The following ESAM variants were observed in gnomAD, a reference collection of about 807,000 sequenced individuals.
The protein encoded by ESAM is endothelial cell adhesion molecule.
A neutral mutation model predicts 31.8 loss-of-function variants in ESAM; 23 were observed. The ratio of observed to expected loss-of-function variants is 0.72; its 90% CI spans 0.52 to 1.03. The LOEUF (loss-of-function observed/expected upper bound fraction) is 1.03. ESAM is among the 50% of genes least tolerant of loss of function. ESAM has a pLI of 0.00. For missense variants in ESAM, 478 were observed against 488.9 expected (o/e 0.98, Z 0.21); for synonymous variants, 216 against 207.2 (o/e 1.04, Z -0.37).
Position 124,759,554 on chromosome 11 carries a change from G to A in ESAM, c.71-1027C>T, listed in dbSNP as rs1944202218. ...GACGCCACCTCCGCGTGGCGAGCAGGCGGCCAACGCCGCGGGAAGAGGCCG... is the reference window on the plus strand; with the variant it reads ...GACGCCACCTCCGCGTGGCGAGCAGACGGCCAACGCCGCGGGAAGAGGCCG... On this transcript the variant is annotated intron_variant, in intron 1 of 6. Transcript: ENST00000278927. The surrounding 1 kb of genome is among the most constrained non-coding windows in gnomAD (Gnocchi z 6.8). The A allele has an allele frequency of 1.3e-5, 2 of 152,442 alleles. No individual in the cohort carries two copies. The highest frequency in any genetic ancestry group is 4.1e-4 in the South Asian group (2 of 4,842). 9.4% of individuals were successfully genotyped at this position (152,442 alleles called of 1,614,324 possible).
rs200474387 is a variant in ESAM at position 124,753,860 on chromosome 11, C to T, written c.959G>A (p.Arg320Gln). 8.7e-6 allele frequency: 14 copies of T among 1,613,674 alleles called. No individual in the cohort carries two copies. The highest frequency in any genetic ancestry group is 4.0e-5 in the African/African-American group (3 of 75,006). Residue 320 changes from arginine to glutamine, a missense_variant, in exon 7 of 7, where the codon CGG becomes CAG. By Grantham distance (43) the Arg-to-Gln change is conservative. Transcript: ENST00000278927. ...AGGCCTGGGAGGGCCATGGGGTGGC[C>T]GGAGGGCTCGTGCGGAGGTGACAGA... ...LSSVTSARALRPPHGPPRPGA... is the reference protein window; with the variant it reads ...LSSVTSARALQPPHGPPRPGA...
In ESAM at chr11:124,754,779, A is replaced by G; in HGVS notation, c.608-16T>C. 6.2e-7 allele frequency: 1 copy of G among 1,605,668 alleles called. No individual in the cohort carries two copies. Among genetic ancestry groups the G allele is most frequent in the Non-Finnish European group, 8.5e-7 (1 of 1,177,050 alleles). On this transcript the variant is annotated splice_polypyrimidine_tract_variant and intron_variant, in intron 4 of 6. Transcript: ENST00000278927. This position sits in a 1 kb window ranked among gnomAD's most constrained non-coding sequence, Gnocchi z 4.5. ...CGGATGACATCTGTGGACACAATTT[A>G]GCCATCAGTCCAGGGACCCTCTTTC...
At chr11:124,757,886 C>T (rs987328186) in intron 2 of ESAM, among the ~76,000 whole-genome samples, 3 of 151,726 alleles carry the variant, frequency 2.0e-5, no homozygotes, top group African/African-American at 4.8e-5. Context: ...TTAGCAGAGA[C>T]GGGGGTTTCA....
At chr11:124,756,394 C>A (rs1395876548) in intron 3 of ESAM, 32 bp from the exon 4 acceptor site, 3 of 1,576,886 alleles carry the variant, frequency 1.9e-6, no homozygotes, top group African/African-American at 1.4e-5. Context: ...AAAACCACAC[C>A]CAGGAGACCC....
rs143828847 is a variant in ESAM at position 124,754,258 on chromosome 11, G to A, written c.813C>T (p.Tyr271=). ...LGLLAGLVLL[Y]HRRGKALEEP... ...CCTCCAGGGCCTTGCCCCGGCGGTG[G>A]TACAAGAGGACCAGCCCAGCCAGCA... The change falls in exon 6 of 7, where the codon TAC becomes TAT. Residue 271 remains tyrosine, a synonymous_variant. Coordinates refer to ENST00000278927, the MANE Select transcript of ESAM (RefSeq NM_138961.3). The surrounding 1 kb of genome is among the most constrained non-coding windows in gnomAD (Gnocchi z 4.5). 2.0e-5 allele frequency: 32 copies of A among 1,613,980 alleles called. 1 individual carries two copies. In the South Asian group the frequency reaches 3.0e-4, roughly 15 times the overall value.
Position 124,759,434 on chromosome 11 carries a change from C to A in ESAM, c.71-907G>T, listed in dbSNP as rs1004322784. ...AACTGGTAAGCCCTTTGGGGAATAA[C>A]CTTGGGCTTGCACACGGCCAGGCCT... On this transcript the variant is annotated intron_variant, in intron 1 of 6. Coordinates refer to ENST00000278927, the MANE Select transcript of ESAM (RefSeq NM_138961.3). This position sits in a 1 kb window ranked among gnomAD's most constrained non-coding sequence, Gnocchi z 6.8. 6.6e-6 allele frequency: 1 copy of A among 152,362 alleles called. No homozygotes were observed. The highest frequency in any genetic ancestry group is 1.5e-5 in the Non-Finnish European group (1 of 68,140). The allele number at this position is 152,362 out of a possible 1,614,324, so 9.4% of individuals were successfully genotyped here.
intron 1 of ESAM, among the ~76,000 whole-genome samples, chr11:124,761,697 C>T (rs891790129): frequency 6.7e-6 from 1 of 148,478 alleles, no homozygotes; most frequent in East Asian, 2.0e-4. Context: ...TATGTGGGGT[C>T]GGGGATGAGA....
At chr11:124,761,874 C>A (rs1944234581) in intron 1 of ESAM, among the ~76,000 whole-genome samples, 1 of 152,108 alleles carries the variant, frequency 6.6e-6, no homozygotes, top group African/African-American at 2.4e-5. Flanking sequence ...TACCTCCCCC[C>A]GCCATCCGCC....
chr11:124,761,458 G>T (rs1283250126), intron 1 of ESAM, among the ~76,000 whole-genome samples: 1 of 152,152 alleles, frequency 6.6e-6, no homozygotes, highest in African/African-American at 2.4e-5. Context: ...TGGGCCTTGG[G>T]GGGGTGGGGT....
In ESAM at chr11:124,754,631, C is replaced by T. The variant is rs1376371117; in HGVS notation, c.730+10G>A. The T allele has an allele frequency of 1.2e-6, 2 of 1,608,778 alleles. No individual in the cohort carries two copies. The highest frequency in any genetic ancestry group is 1.7e-6 in the Non-Finnish European group (2 of 1,177,858). ...ACCACTCTTCTTAACCACACTTACC[C>T]CTCACTGACCTGTGCTCACTTCCAG... On this transcript the variant is annotated intron_variant, in intron 5 of 6. Transcript: ENST00000278927. The surrounding 1 kb of genome is among the most constrained non-coding windows in gnomAD (Gnocchi z 4.5).
chr11:124,757,524 A>G (rs1013444247), intron 2 of ESAM: 7 of 152,210 alleles, frequency 4.6e-5, no homozygotes, highest in African/African-American at 1.4e-4. Flanking sequence ...TTTGGATGTA[A>G]GCCCGGTGTC....
chr11:124,756,695 G>A lies in ESAM; in HGVS notation c.297C>T (p.Ser99=). 1 of 1,614,180 alleles carries A rather than the reference G, an allele frequency of 6.2e-7. No individual in the cohort carries two copies. The highest frequency in any genetic ancestry group is 8.5e-7 in the Non-Finnish European group (1 of 1,180,042). ...NGVTTSKPGV[S]LVYSMPSRNL... is the part of the protein sequence containing the mutation. ...TCCGGGAGGGCATGGAGTAGACCAA[G>A]GATACTCCAGGTTTGCTTGTTGTGA... Residue 99 remains serine (S), a synonymous_variant, in exon 3 of 7, where the codon TCC becomes TCT. Coordinates refer to ENST00000278927, the MANE Select transcript of ESAM (RefSeq NM_138961.3).
chr11:124,754,620 C>G lies in ESAM; in HGVS notation c.730+21G>C. The G allele has an allele frequency of 6.2e-7, 1 of 1,603,566 alleles. No homozygotes were observed. Among genetic ancestry groups the G allele is most frequent in the Non-Finnish European group, 8.5e-7 (1 of 1,174,930 alleles). Reference sequence around the variant, plus strand: ...CCCCACCATTGACCACTCTTCTTAACCACACTTACCCCTCACTGACCTGTG... The same window carrying G: ...CCCCACCATTGACCACTCTTCTTAAGCACACTTACCCCTCACTGACCTGTG... On this transcript the variant is annotated intron_variant, in intron 5 of 6. Coordinates refer to ENST00000278927, the MANE Select transcript of ESAM (RefSeq NM_138961.3). This position sits in a 1 kb window ranked among gnomAD's most constrained non-coding sequence, Gnocchi z 4.5.
In ESAM at chr11:124,756,326, A is replaced by G; in HGVS notation, c.488T>C (p.Val163Ala). ...PAPPSCRLQG[V>A]PHVGANVTLS... ...GGTCACGTTTGCCCCCACATGGGGC[A>G]CACCCTGGAGACGGCAGGATGGAGG... Residue 163 changes from valine (V) to alanine (A), a missense_variant, in exon 4 of 7, where the codon GTG (valine) becomes GCG (alanine). Physicochemically the swap from Val to Ala is moderately conservative, Grantham distance 64. Coordinates refer to ENST00000278927, the MANE Select transcript of ESAM (RefSeq NM_138961.3). 1 of 1,611,302 alleles carries G rather than the reference A, an allele frequency of 6.2e-7. No homozygotes were observed. Among genetic ancestry groups the G allele is most frequent in the South Asian group, 1.1e-5 (1 of 90,622 alleles).
Position 124,754,513 on chromosome 11 carries a change from A to C in ESAM, c.730+128T>G. The C allele has an allele frequency of 1.3e-6, 2 of 1,510,268 alleles. No homozygotes were observed. The highest frequency in any genetic ancestry group is 4.2e-5 in the Admixed American group (2 of 47,302). 93.6% of individuals were successfully genotyped at this position (1,510,268 alleles called of 1,614,324 possible). A position where few individuals can be genotyped will look rare whatever the true frequency, so the allele number is the denominator to read the frequency against. On this transcript the variant is annotated intron_variant, in intron 5 of 6. Transcript: ENST00000278927. The surrounding 1 kb of genome is among the most constrained non-coding windows in gnomAD (Gnocchi z 4.5). ...CAGTCACTGACCAACCATTTGTACAAACATTTGATCAGGGGAAGCTCCGTG... is the reference window on the plus strand; with the variant it reads ...CAGTCACTGACCAACCATTTGTACACACATTTGATCAGGGGAAGCTCCGTG...
At chr11:124,757,408 G>T (rs560369508) in intron 2 of ESAM, 1 of 152,632 alleles carries the variant, frequency 6.6e-6, no homozygotes, top group East Asian at 1.9e-4. Context: ...TCCAGCCTGG[G>T]CAACAAGAGT....
chr11:124,762,222 G>A lies in ESAM; in HGVS notation c.-68C>T, dbSNP rs925961093. 2.3e-6 allele frequency: 3 copies of A among 1,281,186 alleles called. No individual in the cohort carries two copies. The highest frequency in any genetic ancestry group is 1.6e-5 in the African/African-American group (1 of 63,806). 79.4% of individuals were successfully genotyped at this position (1,281,186 alleles called of 1,614,324 possible). ...GACGCACGGACCTGCAGGTGCCGAG[G>A]CTGCGCGACGGCCGGAGCGTGCGCG... On this transcript the variant is annotated 5_prime_UTR_variant, in exon 1 of 7. Coordinates refer to ENST00000278927, the MANE Select transcript of ESAM (RefSeq NM_138961.3). The surrounding 1 kb of genome is among the most constrained non-coding windows in gnomAD (Gnocchi z 6.4).
chr11:124,754,834 T>C lies in ESAM; in HGVS notation c.608-71A>G, dbSNP rs529823230. On this transcript the variant is annotated intron_variant, in intron 4 of 6. Coordinates refer to ENST00000278927, the MANE Select transcript of ESAM (RefSeq NM_138961.3). This position sits in a 1 kb window ranked among gnomAD's most constrained non-coding sequence, Gnocchi z 4.5. Reference sequence around the variant, plus strand: ...TAAAAAAAAAAAAAAATCTTGTCCCTCCTCTGGAATGTCCCCTTTGACCCT... The same window carrying C: ...TAAAAAAAAAAAAAAATCTTGTCCCCCCTCTGGAATGTCCCCTTTGACCCT... 1.3e-5 allele frequency: 20 copies of C among 1,490,082 alleles called. No homozygotes were observed. The Admixed American group carries it at 3.3e-4, about 25-fold the overall frequency. 92.3% of individuals were successfully genotyped at this position (1,490,082 alleles called of 1,614,324 possible).
chr11:124,754,295 A>G lies in ESAM; in HGVS notation c.776T>C (p.Val259Ala), dbSNP rs1238391404. The G allele has an allele frequency of 6.2e-7, 1 of 1,614,068 alleles. No individual in the cohort carries two copies. ...VVAGAVVGTLVGLGLLAGLVL... is the reference protein window; with the variant it reads ...VVAGAVVGTLAGLGLLAGLVL... ...CAGCCCAGCCAGCAACCCCAGTCCA[A>G]CCAGGGTACCCACAACAGCTCCAGC... is the stretch of plus-strand genomic sequence containing the variant. The change falls in exon 6 of 7, where the codon GTT becomes GCT. Residue 259 changes from valine (V) to alanine (A), a missense_variant. Transcript: ENST00000278927. This position sits in a 1 kb window ranked among gnomAD's most constrained non-coding sequence, Gnocchi z 4.5.
Sources: allele counts gnomAD v4.1 joint callset (sites outside exome capture counted in the v4.1 genomes callset), GRCh38; gene constraint gnomAD v4.1.1; non-coding constraint Gnocchi (gnomAD v3.1); transcripts MANE v1.5; gene names NCBI Gene and HGNC (gene_info 2026-07-23, HGNC 2026-07-21).